CSMD1: variants seen among roughly 807,000 people sequenced by gnomAD.
CSMD1 encodes the protein CUB and sushi domain-containing protein 1.
Under a neutral mutation model 417.5 loss-of-function variants are expected in CSMD1, and 213 were observed. The observed-to-expected ratio is 0.51, with a 90% CI of 0.46 to 0.57. The LOEUF (loss-of-function observed/expected upper bound fraction) is 0.57, where lower values mean the gene tolerates loss of function less well. CSMD1 is among the 20% of genes least tolerant of loss of function. CSMD1 has a pLI of 0.00. For synonymous variants in CSMD1, 2,862 were observed against 1,736.8 expected, an observed-to-expected ratio of 1.65 and a Z score of -16.11; for missense variants, 6,923 against 4,529.7, an observed-to-expected ratio of 1.53 and a Z score of -15.17.
intron 5 of CSMD1, among the ~76,000 whole-genome samples, chr8:3,788,114 T>G (rs934965285): frequency 6.6e-6 from 1 of 152,178 alleles, no homozygotes; most frequent in Non-Finnish European, 1.5e-5. Context: ...AGTTCTAAAA[T>G]TTTCTTTAAA....
At chr8:4,726,459 T>G (rs1809453145) in intron 1 of CSMD1, among the ~76,000 whole-genome samples, 1 of 152,342 alleles carries the variant, frequency 6.6e-6, no homozygotes, top group Non-Finnish European at 1.5e-5. Context: ...TTGTGCTCCT[T>G]AAGTCTGCTT....
chr8:4,964,787 G>C (rs186890054), intron 1 of CSMD1, among the ~76,000 whole-genome samples: 45 of 152,234 alleles, frequency 3.0e-4, no homozygotes, highest in African/African-American at 8.7e-4. Flanking sequence ...GAATGAAATT[G>C]TTCTTTTTAT....
At chr8:4,917,080 T>C (rs930349557) in intron 1 of CSMD1, among the ~76,000 whole-genome samples, 2 of 152,152 alleles carry the variant, frequency 1.3e-5, no homozygotes, top group African/African-American at 2.4e-5. Flanking sequence ...AGACTATCTA[T>C]AGGAAGCACG....
chr8:3,649,859 G>C lies in CSMD1; in HGVS notation c.1010-33062C>G, dbSNP rs183154853. Among the ~76,000 whole-genome samples, 14 of 152,260 alleles carry C rather than the reference G, an allele frequency of 9.2e-5. No individual in the cohort carries two copies. The South Asian group carries it at 2.7e-3, about 29-fold the overall frequency. On this transcript the variant is annotated intron_variant, in intron 7 of 69. Transcript: ENST00000635120. ...ATACCTTGCTAGATGTTTTCTCAATGTTTAACCTATGTACACATTTTTTTG... is the reference window on the plus strand; with the variant it reads ...ATACCTTGCTAGATGTTTTCTCAATCTTTAACCTATGTACACATTTTTTTG...
chr8:4,805,338 A>T (rs760733708), intron 1 of CSMD1, among the ~76,000 whole-genome samples: 10 of 152,182 alleles, frequency 6.6e-5, no homozygotes, highest in Non-Finnish European at 1.2e-4. Flanking sequence ...TCCTCTGAAA[A>T]TTGTGAAGCA....
At chr8:4,253,355 T>A (rs1399057910) in intron 3 of CSMD1, among the ~76,000 whole-genome samples, 1 of 151,264 alleles carries the variant, frequency 6.6e-6, no homozygotes, top group Non-Finnish European at 1.5e-5. Context: ...CTGTATATTA[T>A]AATTACGCAT....
chr8:4,114,211 T>C (rs995689094), intron 3 of CSMD1, among the ~76,000 whole-genome samples: 5 of 152,216 alleles, frequency 3.3e-5, no homozygotes, highest in African/African-American at 9.7e-5. Context: ...TGGTAACTTT[T>C]AGTGGAAACC....
intron 3 of CSMD1, among the ~76,000 whole-genome samples, chr8:4,179,830 C>T (rs1292660054): frequency 1.3e-5 from 2 of 152,132 alleles, no homozygotes; most frequent in African/African-American, 2.4e-5. Flanking sequence ...TGAAAAAATG[C>T]TCATCATCAC....
intron 3 of CSMD1, among the ~76,000 whole-genome samples, chr8:4,416,502 A>AT (rs1216450983): frequency 6.6e-6 from 1 of 152,142 alleles, no homozygotes; most frequent in East Asian, 1.9e-4. Flanking sequence ...TTAGAACCAA[A>AT]ATAATGAACA....
intron 2 of CSMD1, among the ~76,000 whole-genome samples, chr8:4,607,460 T>C (rs187219777): frequency 6.6e-5 from 10 of 152,228 alleles, no homozygotes; most frequent in South Asian, 4.1e-4. Context: ...GTTGTGAAGC[T>C]AGGGCCTGAT....
intron 5 of CSMD1, among the ~76,000 whole-genome samples, chr8:3,770,781 G>A (rs563345811): frequency 1.5e-4 from 23 of 151,982 alleles, no homozygotes; most frequent in Non-Finnish European, 2.4e-4. Context: ...CTTAATTGCA[G>A]TTTTTCTTTA....
chr8:4,116,291 A>C (rs951697953), intron 3 of CSMD1, among the ~76,000 whole-genome samples: 4 of 152,246 alleles, frequency 2.6e-5, no homozygotes, highest in East Asian at 3.9e-4. Flanking sequence ...ACCGCACCCA[A>C]CATAAAATAG....
intron 3 of CSMD1, among the ~76,000 whole-genome samples, chr8:4,340,566 G>C (rs1800417564): frequency 6.6e-6 from 1 of 152,222 alleles, no homozygotes; most frequent in East Asian, 1.9e-4. Flanking sequence ...GGGCAATTCA[G>C]GGACAAAACC....
rs530780392 is a variant in CSMD1 at position 3,799,118 on chromosome 8, T to C, written c.819-45076A>G. ...TTTTTATTATCCTCAATTTGCTACATAGTTTAATAGTTTTATTTAACACTT... is the reference window on the plus strand; with the variant it reads ...TTTTTATTATCCTCAATTTGCTACACAGTTTAATAGTTTTATTTAACACTT... On this transcript the variant is annotated intron_variant, in intron 5 of 69. Coordinates refer to ENST00000635120, the MANE Select transcript of CSMD1 (RefSeq NM_033225.6). Among the ~76,000 whole-genome samples, 8 of 152,240 alleles carry C rather than the reference T, an allele frequency of 5.3e-5. No homozygotes were observed. In the East Asian group the frequency reaches 5.8e-4, roughly 11 times the overall value.
In CSMD1 at chr8:3,158,277, AT is replaced by A. The variant is rs34501639; in HGVS notation, c.5845-312del. Among the ~76,000 whole-genome samples the A allele has an allele frequency of 7.5e-3, 1,125 of 150,254 alleles. 14 individuals carry two copies. Among genetic ancestry groups the A allele is most frequent in the African/African-American group, 0.026 (1,050 of 41,084 alleles). On this transcript the variant is annotated intron_variant, in intron 38 of 69. Transcript: ENST00000635120. ...GAGTACTGAATTGGGCAAAATATGCATTTTTTTTTTCATTCACCAGAATTTA... is the reference window on the plus strand; with the variant it reads ...GAGTACTGAATTGGGCAAAATATGCATTTTTTTTTCATTCACCAGAATTTA...
At chr8:2,945,094 G>C (rs189773174) in intron 68 of CSMD1, among the ~76,000 whole-genome samples, 1 of 152,128 alleles carries the variant, frequency 6.6e-6, no homozygotes, top group Non-Finnish European at 1.5e-5. Flanking sequence ...TACACACATT[G>C]TGTTAATTAA....
rs150282214 is a variant in CSMD1 at position 3,965,642 on chromosome 8, G to C, written c.818+32261C>G. ...TATTTATTTATTTATTTTTGAAATG[G>C]AGTCTCACCCTGTCGCCCAGGCTGG... On this transcript the variant is annotated intron_variant, in intron 5 of 69. Transcript: ENST00000635120. Among the ~76,000 whole-genome samples, 110 of 151,728 alleles carry C rather than the reference G, an allele frequency of 7.2e-4. 1 individual carries two copies. The East Asian group carries it at 0.018, about 25-fold the overall frequency.
At chr8:3,499,704 G>A (rs1008592392) in intron 10 of CSMD1, among the ~76,000 whole-genome samples, 3 of 152,122 alleles carry the variant, frequency 2.0e-5, no homozygotes, top group African/African-American at 7.2e-5. Context: ...GTACTTCATG[G>A]TCTTGAGTGC....
At chr8:4,650,773 C>G (rs1418670188) in intron 1 of CSMD1, among the ~76,000 whole-genome samples, 1 of 152,016 alleles carries the variant, frequency 6.6e-6, no homozygotes, top group African/African-American at 2.4e-5. Flanking sequence ...CATGGTTATT[C>G]AGTTTCATCT....
Sources: allele counts gnomAD v4.1 joint callset (sites outside exome capture counted in the v4.1 genomes callset), GRCh38; gene constraint gnomAD v4.1.1; transcripts MANE v1.5; gene names NCBI Gene and HGNC (gene_info 2026-07-23, HGNC 2026-07-21).